DYRK1A: variants seen among roughly 807,000 people sequenced by gnomAD.
The protein encoded by DYRK1A is dual specificity tyrosine-phosphorylation-regulated kinase 1A.
In DYRK1A, 9 loss-of-function variants were observed where a neutral mutation model predicts 79.7. That is an observed-to-expected ratio of 0.11 (90% CI 0.07 to 0.20). The LOEUF (loss-of-function observed/expected upper bound fraction) is 0.20. DYRK1A is among the 10% of genes least tolerant of loss of function. The pLI, the probability that DYRK1A is intolerant of heterozygous loss-of-function variation, is 1.00. For missense variants in DYRK1A, 622 were observed against 956.0 expected, an observed-to-expected ratio of 0.65 and a Z score of 4.61; for synonymous variants, 349 against 329.7, an observed-to-expected ratio of 1.06 and a Z score of -0.63.
At chr21:37,477,438 T>C (rs2835763) in intron 3 of DYRK1A, among the ~76,000 whole-genome samples, 54,236 of 152,048 alleles carry the variant, frequency 0.36, 10,637 homozygotes, top group African/African-American at 0.52. Flanking sequence ...GGATCATTGA[T>C]GCTAGCCACA....
chr21:37,505,079 AT>A, intron 9 of DYRK1A: 3 of 546,014 alleles, frequency 5.5e-6, no homozygotes, highest in Non-Finnish European at 9.6e-6. Flanking sequence ...CTTTATAGCC[AT>A]TTTTGGTCTC....
chr21:37,383,086 A>G (rs997497669), intron 1 of DYRK1A, among the ~76,000 whole-genome samples: 3 of 152,246 alleles, frequency 2.0e-5, no homozygotes, highest in African/African-American at 7.2e-5. Context: ...TTTTGCAGTT[A>G]GGATGCAATC....
intron 1 of DYRK1A, among the ~76,000 whole-genome samples, chr21:37,401,848 G>T (rs188023006): frequency 1.3e-5 from 2 of 152,044 alleles, no homozygotes; most frequent in Non-Finnish European, 1.5e-5. Context: ...TGTATCTTTC[G>T]CAATTACTGT....
intron 1 of DYRK1A, among the ~76,000 whole-genome samples, chr21:37,414,183 C>G (rs2050293783): frequency 6.6e-6 from 1 of 152,048 alleles, no homozygotes; most frequent in Non-Finnish European, 1.5e-5. Context: ...GGAGATTGGG[C>G]TGATGGTGAC....
At chr21:37,490,071 T>G in intron 6 of DYRK1A, 104 bp from the exon 7 acceptor site, 2 of 1,164,498 alleles carry the variant, frequency 1.7e-6, no homozygotes, top group Non-Finnish European at 2.4e-6. Flanking sequence ...AACTGAACTC[T>G]GCATTTGATG....
chr21:37,411,924 A>G (rs2050253017), intron 1 of DYRK1A, among the ~76,000 whole-genome samples: 1 of 152,180 alleles, frequency 6.6e-6, no homozygotes, highest in African/African-American at 2.4e-5. Flanking sequence ...CTTTTTCTAC[A>G]TGAAGCAATA....
At chr21:37,509,872 TG>T (rs796435678) in intron 11 of DYRK1A, among the ~76,000 whole-genome samples, 142 of 152,302 alleles carry the variant, frequency 9.3e-4, no homozygotes, top group African/African-American at 2.6e-3. Context: ...AAATATAAAG[TG>T]GAAAATTTCA....
At chr21:37,457,038 T>TC (rs1211074511) in intron 2 of DYRK1A, among the ~76,000 whole-genome samples, 43 of 24,444 alleles carry the variant, frequency 1.8e-3, no homozygotes, top group African/African-American at 4.9e-3. Flanking sequence ...ACTTACTTAC[T>TC]TATTTATTTA....
At chr21:37,371,270 A>C (rs2049423826) in intron 1 of DYRK1A, among the ~76,000 whole-genome samples, 1 of 152,216 alleles carries the variant, frequency 6.6e-6, no homozygotes, top group South Asian at 2.1e-4. Context: ...AGGTTCGTTC[A>C]TATTGGGTAA....
chr21:37,449,720 T>G (rs2051384758), intron 2 of DYRK1A, among the ~76,000 whole-genome samples: 1 of 152,180 alleles, frequency 6.6e-6, no homozygotes, highest in Non-Finnish European at 1.5e-5. Flanking sequence ...TCGTTTTTGC[T>G]TTTCCTTTTC....
chr21:37,476,856 A>G (rs1385201757), intron 3 of DYRK1A, among the ~76,000 whole-genome samples: 1 of 143,368 alleles, frequency 7.0e-6, no homozygotes, highest in Admixed American at 6.9e-5. Context: ...TAAGAAGCAC[A>G]GGACTTTGAG....
rs1329071378 is a variant in DYRK1A at position 37,511,901 on chromosome 21, G to T, written c.1645-10G>T. 2 of 1,606,402 alleles carry T rather than the reference G, an allele frequency of 1.2e-6. No individual in the cohort carries two copies. Among genetic ancestry groups the T allele is most frequent in the East Asian group, 2.2e-5 (1 of 44,716 alleles). On this transcript the variant is annotated splice_polypyrimidine_tract_variant and intron_variant, in intron 11 of 11. Transcript: ENST00000647188. ...CTCTGAAAAATCCTTTTAAAAATCT[G>T]TTCTTTCAGGTGCGTCAGCAATTTC...
At chr21:37,489,088 CT>C (rs547591673) in intron 6 of DYRK1A, among the ~76,000 whole-genome samples, 2 of 152,232 alleles carry the variant, frequency 1.3e-5, no homozygotes, top group East Asian at 3.9e-4. Context: ...ATGTTCACTG[CT>C]TTGAGGCAGG....
chr21:37,427,777 A>G (rs9978910), intron 2 of DYRK1A, among the ~76,000 whole-genome samples: 6,510 of 152,220 alleles, frequency 0.043, 188 homozygotes, highest in Middle Eastern at 0.092. Flanking sequence ...GATCCTAGGT[A>G]TTTTAAAATG....
At position 37,496,373 on chromosome 21, in the gene DYRK1A, T is replaced by G; in HGVS notation, c.1212+115T>G. On this transcript the variant is annotated intron_variant, in intron 9 of 11. Transcript: ENST00000647188. Reference sequence around the variant, plus strand: ...CAGTGTGTTTCAGTTAACGATTTTATTGATACCTTACATAGATATTTTGTT... The same window carrying G: ...CAGTGTGTTTCAGTTAACGATTTTAGTGATACCTTACATAGATATTTTGTT... The G allele has an allele frequency of 3.9e-6, 4 of 1,023,676 alleles. No homozygotes were observed. In the South Asian group the frequency reaches 5.0e-5, roughly 13 times the overall value. 63.4% of individuals were successfully genotyped at this position (1,023,676 alleles called of 1,614,324 possible). A position where few individuals can be genotyped will look rare whatever the true frequency, so the allele number is the denominator to read the frequency against.
At chr21:37,449,211 A>G (rs1358995415) in intron 2 of DYRK1A, among the ~76,000 whole-genome samples, 1 of 152,210 alleles carries the variant, frequency 6.6e-6, no homozygotes, top group East Asian at 1.9e-4. Context: ...ATTATTTGTT[A>G]TCATTTCTAG....
In DYRK1A at chr21:37,490,290, C is replaced by T. The variant is rs762919024; in HGVS notation, c.753C>T (p.Asn251=). The change falls in exon 7 of 12, where the codon AAC becomes AAT. Residue 251 remains asparagine (N), a synonymous_variant. Transcript: ENST00000647188. ...RNTNFRGVSL[N]LTRKFAQQMC... Reference sequence around the variant, plus strand: ...CCAATTTCCGAGGGGTCTCTTTGAACCTAACACGAAAGTTTGCGCAACAGA... The same window carrying T: ...CCAATTTCCGAGGGGTCTCTTTGAATCTAACACGAAAGTTTGCGCAACAGA... 1.2e-6 allele frequency: 2 copies of T among 1,613,832 alleles called. No individual in the cohort carries two copies. The highest frequency in any genetic ancestry group is 2.2e-5 in the South Asian group (2 of 91,060).
intron 2 of DYRK1A, among the ~76,000 whole-genome samples, chr21:37,469,455 A>G (rs1349655965): frequency 6.6e-6 from 1 of 152,228 alleles, no homozygotes; most frequent in African/African-American, 2.4e-5. Context: ...ATTCTACTCT[A>G]TTACATTAGT....
chr21:37,371,902 A>T (rs1406434975), intron 1 of DYRK1A, among the ~76,000 whole-genome samples: 1 of 152,200 alleles, frequency 6.6e-6, no homozygotes, highest in African/African-American at 2.4e-5. Context: ...TCTTGAGTGT[A>T]TAACATTTCC....
Sources: allele counts gnomAD v4.1 joint callset (sites outside exome capture counted in the v4.1 genomes callset), GRCh38; gene constraint gnomAD v4.1.1; transcripts MANE v1.5; gene names NCBI Gene and HGNC (gene_info 2026-07-23, HGNC 2026-07-21).